Variants in ST18 observed in about 807,000 individuals in gnomAD.
ST18 encodes the protein ST18 C2H2C-type zinc finger transcription factor, also known as suppression of tumorigenicity 18 protein.
In ST18, 50 loss-of-function variants were observed where a neutral mutation model predicts 110.0. The observed-to-expected ratio is 0.45, with a 90% CI of 0.36 to 0.58. The LOEUF (loss-of-function observed/expected upper bound fraction) is 0.58. Ranked by LOEUF, ST18 falls within the 20% of genes least tolerant of loss-of-function variation. The pLI is 0.00. For missense variants in ST18, 1,306 were observed against 1,280.1 expected (o/e 1.02, Z -0.31); for synonymous variants, 461 against 452.4 (o/e 1.02, Z -0.24).
intron 2 of ST18, among the ~76,000 whole-genome samples, chr8:52,236,472 T>C (rs145848961): frequency 0.03 from 4,530 of 152,092 alleles, 133 homozygotes; most frequent in East Asian, 0.091. Context: ...TAGCTGGGCA[T>C]GGTGGCGGGT....
chr8:52,348,931 T>C (rs745777838), intron 2 of ST18, among the ~76,000 whole-genome samples: 9 of 152,174 alleles, frequency 5.9e-5, no homozygotes, highest in Non-Finnish European at 1.0e-4. Context: ...TACCATATTG[T>C]ACAATAGATC....
chr8:52,164,686 C>G (rs575154808), intron 12 of ST18, among the ~76,000 whole-genome samples: 1 of 152,338 alleles, frequency 6.6e-6, no homozygotes, highest in South Asian at 2.1e-4. Context: ...GTTGCAATTT[C>G]AGTGAAGTGA....
At chr8:52,221,400 C>A (rs1011641108) in intron 4 of ST18, among the ~76,000 whole-genome samples, 1 of 152,114 alleles carries the variant, frequency 6.6e-6, no homozygotes, top group African/African-American at 2.4e-5. Flanking sequence ...ATGCTTTGCC[C>A]TTGGTTTACT....
In ST18 at chr8:52,399,820, G is replaced by A. The variant is rs551362873; in HGVS notation, c.-465+9508C>T. Among the ~76,000 whole-genome samples, 3 of 151,968 alleles carry A rather than the reference G, an allele frequency of 2.0e-5. No individual in the cohort carries two copies. In the East Asian group the frequency reaches 5.8e-4, roughly 29 times the overall value. The stretch of plus-strand genomic sequence containing the variant: ...GTACATATAATTTCAATCTTCTATG[G>A]GACTGACATAGGGGCTTTCCTGAAG... On this transcript the variant is annotated intron_variant, in intron 2 of 25. Transcript: ENST00000689386.
intron 2 of ST18, among the ~76,000 whole-genome samples, chr8:52,266,540 C>CT (rs759084646): frequency 0.17 from 21,659 of 131,246 alleles, 2,010 homozygotes; most frequent in Middle Eastern, 0.21. Flanking sequence ...GTTTCTGCCA[C>CT]TTTTTTTTTT....
chr8:52,328,177 A>C (rs537092829), intron 2 of ST18, among the ~76,000 whole-genome samples: 160 of 152,330 alleles, frequency 1.1e-3, no homozygotes, highest in African/African-American at 3.7e-3. Flanking sequence ...ACACAAGGGA[A>C]GTGCAAATCC....
At chr8:52,373,681 C>A (rs1257594116) in intron 2 of ST18, among the ~76,000 whole-genome samples, 1 of 152,174 alleles carries the variant, frequency 6.6e-6, no homozygotes, top group Admixed American at 6.5e-5. Context: ...CTTCACTCTC[C>A]TCTTTTCCTA....
chr8:52,198,908 T>C (rs2077041867), intron 8 of ST18, among the ~76,000 whole-genome samples: 1 of 152,062 alleles, frequency 6.6e-6, no homozygotes, highest in Non-Finnish European at 1.5e-5. Context: ...TACTGACAAA[T>C]GACACTTCCC....
intron 2 of ST18, among the ~76,000 whole-genome samples, chr8:52,258,607 G>C (rs1039646114): frequency 1.3e-5 from 2 of 152,032 alleles, no homozygotes; most frequent in African/African-American, 4.8e-5. Flanking sequence ...GCTCTACATA[G>C]CATTTTTAGT....
intron 15 of ST18, among the ~76,000 whole-genome samples, chr8:52,152,085 G>A (rs984293290): frequency 5.3e-5 from 8 of 152,188 alleles, no homozygotes; most frequent in African/African-American, 1.9e-4. Context: ...TAAAAGAGGC[G>A]CTTTCCTGCA....
In ST18 at chr8:52,161,568, C is replaced by G. The variant is rs567928928; in HGVS notation, c.1401G>C (p.Arg467Ser). ...ATTCAATTTGCTTCACCAAACTTGT[C>G]CTGGAGAGGGGGGTGAAGCAGTTCA... Reference protein sequence around the residue: ...QTGQCPDQAHRTSLVKQIEFN... With the variant: ...QTGQCPDQAHSTSLVKQIEFN... The change falls in exon 14 of 26, where the codon AGG becomes AGC. Residue 467 changes from arginine (R) to serine (S), a missense_variant and splice_region_variant. Transcript: ENST00000689386. 3.7e-6 allele frequency: 6 copies of G among 1,613,860 alleles called. No individual in the cohort carries two copies. In the East Asian group the frequency reaches 1.1e-4, roughly 30 times the overall value.
In ST18 at chr8:52,166,843, G is replaced by C. The variant is rs768691909; in HGVS notation, c.1204+9C>G. The C allele has an allele frequency of 1.3e-6, 2 of 1,568,988 alleles. No individual in the cohort carries two copies. Among genetic ancestry groups the C allele is most frequent in the Non-Finnish European group, 1.7e-6 (2 of 1,149,526 alleles). On this transcript the variant is annotated intron_variant, in intron 11 of 25. Transcript: ENST00000689386. Reference sequence around the variant, plus strand: ...TAAGCAGAAGCTTTGAGGGACAAGTGGTACTCACTTTCCAGGGGAACCCGC... The same window carrying C: ...TAAGCAGAAGCTTTGAGGGACAAGTCGTACTCACTTTCCAGGGGAACCCGC...
chr8:52,197,764 A>G (rs1564003546), intron 8 of ST18, among the ~76,000 whole-genome samples: 1 of 152,100 alleles, frequency 6.6e-6, no homozygotes, highest in Admixed American at 6.5e-5. Flanking sequence ...TGCACATGTC[A>G]CAGTTACATA....
At chr8:52,325,082 G>A (rs1203331041) in intron 2 of ST18, among the ~76,000 whole-genome samples, 1 of 152,186 alleles carries the variant, frequency 6.6e-6, no homozygotes, top group Non-Finnish European at 1.5e-5. Flanking sequence ...ACATCACCTT[G>A]TGAAAATTAA....
chr8:52,278,036 T>C (rs1589553097), intron 2 of ST18, among the ~76,000 whole-genome samples: 1 of 152,308 alleles, frequency 6.6e-6, no homozygotes, highest in Middle Eastern at 3.4e-3. Context: ...TTTATAAAGA[T>C]ACAATATATT....
chr8:52,326,042 C>A (rs1806210202), intron 2 of ST18, among the ~76,000 whole-genome samples: 1 of 152,076 alleles, frequency 6.6e-6, no homozygotes, highest in Admixed American at 6.6e-5. Context: ...GACTTCAGAC[C>A]CACATCCATA....
At chr8:52,176,563 G>C (rs1043031923) in intron 9 of ST18, among the ~76,000 whole-genome samples, 5 of 152,158 alleles carry the variant, frequency 3.3e-5, no homozygotes, top group African/African-American at 9.7e-5. Context: ...TTCACAGTGT[G>C]GGGAGGGAGC....
At chr8:52,148,563 G>C (rs953971867) in intron 16 of ST18, among the ~76,000 whole-genome samples, 1 of 152,162 alleles carries the variant, frequency 6.6e-6, no homozygotes, top group African/African-American at 2.4e-5. Flanking sequence ...TGGCACACAA[G>C]CATGGTGGAA....
chr8:52,327,821 C>G (rs1011118791), intron 2 of ST18, among the ~76,000 whole-genome samples: 1 of 152,178 alleles, frequency 6.6e-6, no homozygotes. Context: ...GCAATACCTC[C>G]CTCTTACAGG....
Sources: gnomAD v4.1 joint callset for allele counts (sites outside exome capture counted in the v4.1 genomes callset) on GRCh38, gnomAD v4.1.1 for gene constraint, MANE v1.5 for transcripts, NCBI Gene and HGNC (gene_info 2026-07-23, HGNC 2026-07-21) for gene names.